ARMC9: variants seen among roughly 807,000 people sequenced by gnomAD.
ARMC9 encodes lisH domain-containing protein ARMC9.
Under a neutral mutation model 107.0 loss-of-function variants are expected in ARMC9, and 94 were observed. That is an observed-to-expected ratio of 0.88 (90% CI 0.74 to 1.04). The LOEUF is 1.04. ARMC9 is among the 50% of genes least tolerant of loss of function. The pLI, the probability that ARMC9 is intolerant of heterozygous loss-of-function variation, is 0.00. For synonymous variants in ARMC9, 380 were observed against 396.9 expected (o/e 0.96, Z 0.51); for missense variants, 942 against 1,030.1 (o/e 0.91, Z 1.17).
rs1250216332 is a variant in ARMC9, at chr2:231,322,684, A to G, written c.1774-9109A>G. On this transcript the variant is annotated intron_variant, in intron 19 of 24. Transcript: ENST00000611582. Reference sequence around the variant, plus strand: ...GCTTCGCATTAGGACATCTAAATTCATCTCAGCTCGAGCGCCTTTTTTATG... The same window carrying G: ...GCTTCGCATTAGGACATCTAAATTCGTCTCAGCTCGAGCGCCTTTTTTATG... Among the ~76,000 whole-genome samples, 3 of 152,246 alleles carry G rather than the reference A, an allele frequency of 2.0e-5. No homozygotes were observed. In the East Asian group the frequency reaches 5.8e-4, roughly 29 times the overall value.
chr2:231,365,711 C>A (rs73098127), intron 23 of ARMC9, among the ~76,000 whole-genome samples: 17,951 of 151,978 alleles, frequency 0.12, 3,552 homozygotes, highest in African/African-American at 0.41. Context: ...GCAGATAGGA[C>A]CCAGCCGCAC....
chr2:231,316,573 C>T (rs1053535884), intron 19 of ARMC9, among the ~76,000 whole-genome samples: 5 of 150,456 alleles, frequency 3.3e-5, no homozygotes, highest in Non-Finnish European at 7.4e-5. Context: ...CGCTTGAACC[C>T]AGGAGAATCA....
intron 19 of ARMC9, among the ~76,000 whole-genome samples, chr2:231,304,434 G>A (rs1189832040): frequency 1.3e-5 from 2 of 152,038 alleles, no homozygotes; most frequent in African/African-American, 4.8e-5. Flanking sequence ...TCACTCTATC[G>A]CCCAGGCTGG....
chr2:231,237,363 A>C (rs902549141), intron 8 of ARMC9, among the ~76,000 whole-genome samples: 1 of 152,194 alleles, frequency 6.6e-6, no homozygotes, highest in African/African-American at 2.4e-5. Context: ...TTGCATTATA[A>C]GGGTGAATCA....
intron 19 of ARMC9, among the ~76,000 whole-genome samples, chr2:231,298,328 C>G (rs2041509713): frequency 6.6e-6 from 1 of 152,168 alleles, no homozygotes; most frequent in East Asian, 1.9e-4. Context: ...GCCGGTCTTG[C>G]CTGGATTTTA....
At chr2:231,364,629 C>T (rs947552447) in intron 23 of ARMC9, among the ~76,000 whole-genome samples, 1 of 152,054 alleles carries the variant, frequency 6.6e-6, no homozygotes, top group Non-Finnish European at 1.5e-5. Flanking sequence ...GAAACCCTGT[C>T]TTTACTAAAA....
chr2:231,336,407 A>G (rs1190064649), intron 20 of ARMC9, among the ~76,000 whole-genome samples: 2 of 152,088 alleles, frequency 1.3e-5, no homozygotes, highest in Non-Finnish European at 2.9e-5. Context: ...GAGGCTGAGA[A>G]AGGCTGAGTC....
chr2:231,291,538 C>A, intron 18 of ARMC9, 95 bp downstream of exon 18: 1 of 1,282,492 alleles, frequency 7.8e-7, no homozygotes, highest in Non-Finnish European at 1.1e-6. Flanking sequence ...CTTTAGGAAG[C>A]CGGGCACGGT....
At chr2:231,285,560 C>G (rs1007080213) in intron 17 of ARMC9, among the ~76,000 whole-genome samples, 1 of 150,638 alleles carries the variant, frequency 6.6e-6, no homozygotes, top group Admixed American at 6.6e-5. Flanking sequence ...GCAGGAGAAT[C>G]GCTTGAACCC....
chr2:231,200,110 G>A (rs1036219447), intron 1 of ARMC9, among the ~76,000 whole-genome samples: 1 of 152,162 alleles, frequency 6.6e-6, no homozygotes, highest in Non-Finnish European at 1.5e-5. Context: ...TCTACTCTAA[G>A]GAGGTGATGT....
In ARMC9 at chr2:231,258,612, T is replaced by A. The variant is rs945843406; in HGVS notation, c.915-379T>A. On this transcript the variant is annotated intron_variant, in intron 10 of 24. Coordinates refer to ENST00000611582, the MANE Select transcript of ARMC9 (RefSeq NM_001352754.2). The stretch of plus-strand genomic sequence containing the variant: ...TCTTGGGGCCTGCTGATGCTAATTT[T>A]CTTTGAATTATGTCCAAAATTCTAA... Among the ~76,000 whole-genome samples the A allele has an allele frequency of 2.0e-5, 3 of 152,226 alleles. No individual in the cohort carries two copies. The South Asian group carries it at 6.2e-4, about 32-fold the overall frequency.
At position 231,376,374 on chromosome 2, in the gene ARMC9, CCT is replaced by C. The variant is rs2046196978; in HGVS notation, c.*4840_*4841del. On this transcript the variant is annotated 3_prime_UTR_variant, in exon 25 of 25. Transcript: ENST00000611582. The stretch of plus-strand genomic sequence containing the variant: ...TTCTTTTTCTCAGCATGGAACATCC[CCT>C]GAGAAAGAGAATGCACACCTGGGGG... Among the ~76,000 whole-genome samples the C allele has an allele frequency of 6.6e-6, 1 of 152,102 alleles. No homozygotes were observed. Among genetic ancestry groups the C allele is most frequent in the Non-Finnish European group, 1.5e-5 (1 of 68,024 alleles).
chr2:231,352,061 G>A (rs1229938348), intron 21 of ARMC9, among the ~76,000 whole-genome samples: 3 of 151,978 alleles, frequency 2.0e-5, no homozygotes, highest in African/African-American at 2.4e-5. Context: ...TGACCTCCTG[G>A]GCTCAAACCA....
intron 19 of ARMC9, among the ~76,000 whole-genome samples, chr2:231,302,335 G>A (rs1280915729): frequency 1.3e-5 from 2 of 150,406 alleles, no homozygotes; most frequent in African/African-American, 4.9e-5. Flanking sequence ...AACTTAAAAT[G>A]GCAATAGTAA....
intron 18 of ARMC9, chr2:231,295,296 G>A (rs1303817216): frequency 3.9e-5 from 6 of 152,442 alleles, no homozygotes; most frequent in East Asian, 1.9e-4. Flanking sequence ...GGTGAGAGAC[G>A]AGTCAGTAAG....
In ARMC9 at chr2:231,328,740, T is replaced by C. The variant is rs75335148; in HGVS notation, c.1774-3053T>C. On this transcript the variant is annotated intron_variant, in intron 19 of 24. Coordinates refer to ENST00000611582, the MANE Select transcript of ARMC9 (RefSeq NM_001352754.2). ...ATCTGGACTACTAAGCTTGAAATCA[T>C]GTAGATTGATTCTTCCCATATATTG... is the stretch of plus-strand genomic sequence containing the variant. Among the ~76,000 whole-genome samples, 82 of 141,072 alleles carry C rather than the reference T, an allele frequency of 5.8e-4. 2 individuals are homozygous for C. In the East Asian group the frequency reaches 0.015, roughly 26 times the overall value. 92.5% of individuals were successfully genotyped at this position (141,072 alleles called of 152,430 possible). A position where few individuals can be genotyped will look rare whatever the true frequency, so the allele number is the denominator to read the frequency against.
At chr2:231,263,272 G>T (rs1323523376) in intron 12 of ARMC9, among the ~76,000 whole-genome samples, 1 of 152,172 alleles carries the variant, frequency 6.6e-6, no homozygotes, top group Non-Finnish European at 1.5e-5. Flanking sequence ...GCTGTCTTAG[G>T]CCATTTCCTG....
chr2:231,353,978 T>C (rs111323955), intron 21 of ARMC9, among the ~76,000 whole-genome samples: 26 of 138,218 alleles, frequency 1.9e-4, no homozygotes, highest in African/African-American at 6.9e-4. Context: ...TATATGTATA[T>C]ATACACACAC....
chr2:231,252,800 C>A (rs1973016), intron 9 of ARMC9, among the ~76,000 whole-genome samples: 3 of 150,150 alleles, frequency 2.0e-5, no homozygotes, highest in African/African-American at 5.0e-5. Context: ...TCACAACCCC[C>A]TAATTTTTTT....
Sources: gnomAD v4.1 joint callset for allele counts (sites outside exome capture counted in the v4.1 genomes callset) on GRCh38, gnomAD v4.1.1 for gene constraint, MANE v1.5 for transcripts, NCBI Gene and HGNC (gene_info 2026-07-23, HGNC 2026-07-21) for gene names.